ATXN2: variants seen among roughly 807,000 people sequenced by gnomAD.
ATXN2 encodes the protein ataxin-2.
ATXN2 carries 37 observed loss-of-function variants against 138.6 expected under a neutral mutation model. That is an observed-to-expected ratio of 0.27 (90% CI 0.21 to 0.35). The LOEUF is 0.35. ATXN2 is among the 10% of genes least tolerant of loss of function. The pLI is 1.00. For synonymous variants in ATXN2, 549 were observed against 543.7 expected (o/e 1.01, Z -0.13); for missense variants, 1,216 against 1,480.3 (o/e 0.82, Z 2.93).
At position 111,488,693 on chromosome 12, in the gene ATXN2, T is replaced by C. The variant is rs763490692; in HGVS notation, c.2023A>G (p.Lys675Glu). ...GAATCCTTAGCACTTGGTTCAATTT[T>C]GTCTTTGATCAAATCTCTTGATTTT... ...GEKSRDLIKD[K>E]IEPSAKDSFI... The change falls in exon 15 of 25, where the codon AAA becomes GAA. Residue 675 changes from lysine (K) to glutamate (E), a missense_variant. Lys to Glu is a moderately conservative substitution (Grantham distance 56). Around this residue, in one of 4 missense-constraint regions of ATXN2, gnomAD observed 490 missense variants for 653.5 expected, o/e 0.75. Coordinates refer to ENST00000673436, the MANE Select transcript of ATXN2 (RefSeq NM_001372574.1). The C allele has an allele frequency of 6.2e-7, 1 of 1,613,078 alleles. No individual in the cohort carries two copies. The highest frequency in any genetic ancestry group is 8.5e-7 in the Non-Finnish European group (1 of 1,179,360).
intron 18 of ATXN2, among the ~76,000 whole-genome samples, chr12:111,477,516 T>A (rs982589598): frequency 2.6e-5 from 4 of 152,048 alleles, no homozygotes; most frequent in Non-Finnish European, 5.9e-5. Context: ...AAAACATTCA[T>A]AACCTAGGGT....
At chr12:111,466,919 T>C (rs1876065468) in intron 20 of ATXN2, among the ~76,000 whole-genome samples, 2 of 152,166 alleles carry the variant, frequency 1.3e-5, no homozygotes, top group Admixed American at 6.5e-5. Flanking sequence ...TTAATATATT[T>C]ATAAAATATA....
At chr12:111,473,862 G>C (rs1405982149) in intron 18 of ATXN2, among the ~76,000 whole-genome samples, 2 of 151,910 alleles carry the variant, frequency 1.3e-5, no homozygotes, top group African/African-American at 4.8e-5. Context: ...ATCAACACAG[G>C]GATACAGTCA....
At chr12:111,581,623 G>A in intron 1 of ATXN2, 1 of 779,592 alleles carries the variant, frequency 1.3e-6, no homozygotes, top group Non-Finnish European at 2.4e-6. Context: ...CCTACTCCGT[G>A]AAGTCTAGGG....
At chr12:111,528,239 C>A (rs890521815) in intron 5 of ATXN2, among the ~76,000 whole-genome samples, 1 of 152,082 alleles carries the variant, frequency 6.6e-6, no homozygotes. Flanking sequence ...TTTATAGAAC[C>A]ATATAAACGG....
chr12:111,531,113 T>C (rs7305662), intron 5 of ATXN2, among the ~76,000 whole-genome samples: 15,541 of 151,468 alleles, frequency 0.1, 2,666 homozygotes, highest in African/African-American at 0.35. Context: ...AGCGAAACTC[T>C]GTTTAAAATT....
At chr12:111,483,194 TACACACACACACACACACACAC>T (rs59840296) in intron 18 of ATXN2, among the ~76,000 whole-genome samples, 7 of 95,432 alleles carry the variant, frequency 7.3e-5, no homozygotes, top group Admixed American at 3.4e-4. Context: ...ATCAAACACA[TACACACACACACACACACACAC>T]ACACACACAC....
chr12:111,561,779 C>T (rs1449478285), intron 1 of ATXN2, among the ~76,000 whole-genome samples: 1 of 151,944 alleles, frequency 6.6e-6, no homozygotes, highest in Non-Finnish European at 1.5e-5. Flanking sequence ...GTTCATGCCA[C>T]TGCAATGCAG....
chr12:111,475,602 T>G (rs1398136757), intron 18 of ATXN2, among the ~76,000 whole-genome samples: 1 of 151,022 alleles, frequency 6.6e-6, no homozygotes, highest in African/African-American at 2.4e-5. Context: ...GCAATTCTTC[T>G]GCCTCAGTCT....
chr12:111,550,047 G>A (rs1276200114), intron 5 of ATXN2, among the ~76,000 whole-genome samples: 1 of 138,384 alleles, frequency 7.2e-6, no homozygotes, highest in Non-Finnish European at 1.5e-5. Context: ...GGGCAACAGA[G>A]CGAAACTCCG....
Position 111,598,023 on chromosome 12 carries a change from G to C in ATXN2, c.251+761C>G, listed in dbSNP as rs1477117282. 5.9e-6 allele frequency: 7 copies of C among 1,190,726 alleles called. No individual in the cohort carries two copies. The highest frequency in any genetic ancestry group is 3.2e-5 in the African/African-American group (2 of 62,658). 73.8% of individuals were successfully genotyped at this position (1,190,726 alleles called of 1,614,324 possible). ...CGGGGGAAGGAGGAAGGCCGGGACG[G>C]GGCCGGGCACTCCCCACCCCTTCCC... On this transcript the variant is annotated intron_variant, in intron 1 of 24. Coordinates refer to ENST00000673436, the MANE Select transcript of ATXN2 (RefSeq NM_001372574.1). The surrounding 1 kb of genome is among the most constrained non-coding windows in gnomAD (Gnocchi z 4.5).
At chr12:111,586,916 T>G (rs1191761994) in intron 1 of ATXN2, among the ~76,000 whole-genome samples, 1 of 152,060 alleles carries the variant, frequency 6.6e-6, no homozygotes, top group Admixed American at 6.6e-5. Flanking sequence ...TGCCAATATG[T>G]ACATCAGAAA....
At chr12:111,513,013 T>C (rs529875307) in intron 11 of ATXN2, 8 of 245,750 alleles carry the variant, frequency 3.3e-5, no homozygotes, top group Non-Finnish European at 5.5e-5. Context: ...GTTTGCCTCA[T>C]ATTAGAGAGG....
intron 1 of ATXN2, among the ~76,000 whole-genome samples, chr12:111,589,944 C>T (rs1412955347): frequency 6.6e-6 from 1 of 151,882 alleles, no homozygotes; most frequent in Non-Finnish European, 1.5e-5. Context: ...GGCGCAGTGG[C>T]TCATGCTGTA....
At chr12:111,560,499 A>G (rs887181738) in intron 1 of ATXN2, among the ~76,000 whole-genome samples, 5 of 152,306 alleles carry the variant, frequency 3.3e-5, no homozygotes, top group Middle Eastern at 3.4e-3. Flanking sequence ...AGCTGGGTAC[A>G]GTCAGGAAAA....
chr12:111,454,216 T>C (rs538765988), intron 23 of ATXN2: 1 of 167,788 alleles, frequency 6.0e-6, no homozygotes, highest in East Asian at 1.6e-4. Flanking sequence ...GATTCAATGA[T>C]GCTTCAGAAT....
chr12:111,470,089 C>A lies in ATXN2; in HGVS notation c.2842+19G>T. On this transcript the variant is annotated intron_variant, in intron 20 of 24. Coordinates refer to ENST00000673436, the MANE Select transcript of ATXN2 (RefSeq NM_001372574.1). ...GAAGAGTCACACACACTGGAAGAGACAAACAAAGTGCTTCCTACCATACAT... is the reference window on the plus strand; with the variant it reads ...GAAGAGTCACACACACTGGAAGAGAAAAACAAAGTGCTTCCTACCATACAT... The A allele has an allele frequency of 3.7e-6, 6 of 1,610,932 alleles. No homozygotes were observed. Among genetic ancestry groups the A allele is most frequent in the Non-Finnish European group, 5.1e-6 (6 of 1,178,186 alleles).
intron 1 of ATXN2, chr12:111,581,640 A>G: frequency 1.3e-6 from 1 of 762,656 alleles, no homozygotes; most frequent in Admixed American, 1.8e-5. Flanking sequence ...AGGGACAAGA[A>G]GATGGTTGGC....
At chr12:111,486,896 A>AT in intron 15 of ATXN2, 72 bp from the exon 16 acceptor site, 2 of 1,291,818 alleles carry the variant, frequency 1.5e-6, no homozygotes, top group Non-Finnish European at 1.1e-6. Context: ...ATACCTGACA[A>AT]TTTAAAAAAA....
Sources: allele counts gnomAD v4.1 joint callset (sites outside exome capture counted in the v4.1 genomes callset), GRCh38; gene constraint gnomAD v4.1.1; regional missense constraint gnomAD v4.1.1; non-coding constraint Gnocchi (gnomAD v3.1); transcripts MANE v1.5; gene names NCBI Gene and HGNC (gene_info 2026-07-23, HGNC 2026-07-21).